The following ADAMTS9 variants were observed in gnomAD, a reference collection of about 807,000 sequenced individuals.
The protein encoded by ADAMTS9 is ADAM metallopeptidase with thrombospondin type 1 motif 9.
A neutral mutation model predicts 257.1 loss-of-function variants in ADAMTS9; 107 were observed. That is an observed-to-expected ratio of 0.42 (90% CI 0.36 to 0.49). The LOEUF (loss-of-function observed/expected upper bound fraction) is 0.49. Ranked by LOEUF, ADAMTS9 falls within the 20% of genes least tolerant of loss-of-function variation. The pLI is 0.03. For missense variants in ADAMTS9, 2,353 were observed against 2,469.1 expected (o/e 0.95, Z 1.00); for synonymous variants, 982 against 880.9 (o/e 1.11, Z -2.03).
intron 5 of ADAMTS9, 23 bp from the exon 6 acceptor site, chr3:64,655,714 G>T (rs1246159406): frequency 6.2e-7 from 1 of 1,602,314 alleles, no homozygotes; most frequent in South Asian, 1.1e-5. Flanking sequence ...AAGAATTATG[G>T]TTAATCTGTT....
At chr3:64,521,049 T>G (rs1010300742) in intron 39 of ADAMTS9, among the ~76,000 whole-genome samples, 1 of 152,122 alleles carries the variant, frequency 6.6e-6, no homozygotes, top group Non-Finnish European at 1.5e-5. Flanking sequence ...CCTATACATT[T>G]GATAAAGGAA....
chr3:64,622,394 T>C (rs750238262), intron 17 of ADAMTS9, 26 bp downstream of exon 17: 7 of 1,611,414 alleles, frequency 4.3e-6, no homozygotes, highest in African/African-American at 1.3e-5. Context: ...AAGAAAAGGG[T>C]GGTGGGCTCA....
intron 16 of ADAMTS9, among the ~76,000 whole-genome samples, chr3:64,623,139 T>C (rs971123847): frequency 3.4e-5 from 5 of 148,836 alleles, no homozygotes; most frequent in East Asian, 4.1e-4. Flanking sequence ...GCCTCAAATA[T>C]GGCCCCAACG....
chr3:64,616,588 T>C (rs1181501558), intron 19 of ADAMTS9, among the ~76,000 whole-genome samples: 1 of 152,208 alleles, frequency 6.6e-6, no homozygotes, highest in Non-Finnish European at 1.5e-5. Context: ...TTTGAATCTA[T>C]AAATCTCTGT....
intron 12 of ADAMTS9, among the ~76,000 whole-genome samples, chr3:64,637,605 G>T (rs1239847275): frequency 2.0e-5 from 3 of 152,192 alleles, no homozygotes; most frequent in African/African-American, 4.8e-5. Flanking sequence ...TCTGCAAAAG[G>T]GTTTGAACAG....
At chr3:64,562,772 C>G (rs989008866) in intron 29 of ADAMTS9, among the ~76,000 whole-genome samples, 2 of 152,138 alleles carry the variant, frequency 1.3e-5, no homozygotes, top group African/African-American at 4.8e-5. Flanking sequence ...ACCTTTCAAA[C>G]TTGAAAAAAT....
In ADAMTS9 at chr3:64,543,386, G is replaced by A. The variant is rs62247560; in HGVS notation, c.5065-1416C>T. On this transcript the variant is annotated intron_variant, in intron 32 of 39. Transcript: ENST00000498707. ...ATCCTTCATAAAATACTGGCAAACCGAATCCAGCAGCACATCAAAAAGCTT... is the reference window on the plus strand; with the variant it reads ...ATCCTTCATAAAATACTGGCAAACCAAATCCAGCAGCACATCAAAAAGCTT... Among the ~76,000 whole-genome samples the A allele has an allele frequency of 2.9e-3, 435 of 152,236 alleles. 1 individual carries two copies. Among genetic ancestry groups the A allele is most frequent in the Non-Finnish European group, 3.7e-3 (249 of 68,032 alleles).
intron 28 of ADAMTS9, among the ~76,000 whole-genome samples, chr3:64,591,989 C>A (rs2084269020): frequency 6.6e-6 from 1 of 152,136 alleles, no homozygotes; most frequent in African/African-American, 2.4e-5. Context: ...AACACAATTA[C>A]TGAGGTATGC....
chr3:64,566,214 T>A (rs563113752), intron 29 of ADAMTS9, among the ~76,000 whole-genome samples: 43 of 152,314 alleles, frequency 2.8e-4, no homozygotes, highest in African/African-American at 1.0e-3. Flanking sequence ...CACTGGATCA[T>A]TAGGAAGCCA....
rs376512972 is a variant in ADAMTS9 at position 64,658,662 on chromosome 3, C to T, written c.809G>A (p.Gly270Asp). ...TTCTCTTGTGTTGTCCGTCTTATTA[C>T]CATAAGCAGAAAATGCCTCTGTTGC... ...GLATEAFSAY[G>D]NKTDNTREKR... Residue 270 changes from glycine (G) to aspartate (D), a missense_variant, in exon 4 of 40, where the codon GGT (glycine) becomes GAT (aspartate). Transcript: ENST00000498707. 1 of 1,613,926 alleles carries T rather than the reference C, an allele frequency of 6.2e-7. No individual in the cohort carries two copies. The highest frequency in any genetic ancestry group is 1.3e-5 in the African/African-American group (1 of 74,878).
At chr3:64,613,299 A>G in intron 22 of ADAMTS9, 46 bp downstream of exon 22, 2 of 1,593,064 alleles carry the variant, frequency 1.3e-6, no homozygotes, top group East Asian at 4.5e-5. Context: ...CTCTCCAGAT[A>G]AGAAGGAAAG....
chr3:64,622,241 C>G lies in ADAMTS9; in HGVS notation c.2643G>C (p.Trp881Cys). 6.2e-7 allele frequency: 1 copy of G among 1,613,788 alleles called. No homozygotes were observed. Reference sequence around the variant, plus strand: ...ATGCTTGCCATGGCCCATGACTGTTCCAGTAAAACTGCTGAGGTTTATCTT... The same window carrying G: ...ATGCTTGCCATGGCCCATGACTGTTGCAGTAAAACTGCTGAGGTTTATCTT... ...PIEDKPQQFY[W>C]NSHGPWQACS... The change falls in exon 18 of 40, where the codon TGG becomes TGC. Residue 881 changes from tryptophan to cysteine, a missense_variant. By Grantham distance (215) the Trp-to-Cys change is radical. Coordinates refer to ENST00000498707, the MANE Select transcript of ADAMTS9 (RefSeq NM_182920.2).
chr3:64,616,578 T>G (rs1254176478), intron 19 of ADAMTS9, among the ~76,000 whole-genome samples: 1 of 152,182 alleles, frequency 6.6e-6, no homozygotes, highest in Non-Finnish European at 1.5e-5. Flanking sequence ...TAAAATTAGA[T>G]TTGAATCTAT....
At chr3:64,590,542 T>C (rs2084241519) in intron 28 of ADAMTS9, among the ~76,000 whole-genome samples, 1 of 152,184 alleles carries the variant, frequency 6.6e-6, no homozygotes, top group Non-Finnish European at 1.5e-5. Flanking sequence ...TGCTTAAAAC[T>C]GTGTTTAGAA....
intron 38 of ADAMTS9, among the ~76,000 whole-genome samples, chr3:64,531,471 A>G: frequency 8.2e-6 from 1 of 122,526 alleles, no homozygotes; most frequent in Non-Finnish European, 1.6e-5. Context: ...TTGTGTACTT[A>G]AAAAAAAAAA....
At chr3:64,572,210 G>C (rs891187312) in intron 28 of ADAMTS9, among the ~76,000 whole-genome samples, 6 of 152,190 alleles carry the variant, frequency 3.9e-5, no homozygotes, top group Non-Finnish European at 7.3e-5. Flanking sequence ...AGCATCCCAA[G>C]TGCCTGGGTA....
intron 36 of ADAMTS9, among the ~76,000 whole-genome samples, chr3:64,539,883 C>T (rs2083098608): frequency 6.6e-6 from 1 of 152,224 alleles, no homozygotes; most frequent in Non-Finnish European, 1.5e-5. Flanking sequence ...CCAATAAATA[C>T]AAGGCTAACC....
chr3:64,638,250 A>T (rs1477619437), intron 12 of ADAMTS9, among the ~76,000 whole-genome samples: 1 of 152,164 alleles, frequency 6.6e-6, no homozygotes, highest in Non-Finnish European at 1.5e-5. Context: ...ATGGACTGTA[A>T]CAATTCTACG....
At chr3:64,550,827 C>T in intron 31 of ADAMTS9, 65 bp downstream of exon 31, 1 of 1,593,862 alleles carries the variant, frequency 6.3e-7, no homozygotes. Context: ...CATCCCTCCA[C>T]TCATCCCTCT....
Sources: gnomAD v4.1 joint callset for allele counts (sites outside exome capture counted in the v4.1 genomes callset) on GRCh38, gnomAD v4.1.1 for gene constraint, MANE v1.5 for transcripts, NCBI Gene and HGNC (gene_info 2026-07-23, HGNC 2026-07-21) for gene names.